The following PCDHGA3 variants were observed in gnomAD, a reference collection of about 807,000 sequenced individuals.
PCDHGA3 encodes the protein protocadherin gamma-A3.
PCDHGA3 carries 40 observed loss-of-function variants against 58.5 expected under a neutral mutation model. The observed-to-expected ratio is 0.68, with a 90% CI of 0.53 to 0.89. PCDHGA3 has a LOEUF of 0.89. Among genes scored for constraint, PCDHGA3 ranks in the 40% least tolerant of loss-of-function variants. PCDHGA3 has a pLI of 0.00. For missense variants in PCDHGA3, 1,223 were observed against 1,195.9 expected (o/e 1.02, Z -0.33); for synonymous variants, 530 against 525.7 (o/e 1.01, Z -0.11).
chr5:141,408,309 C>G, intron 1 of PCDHGA3: 1 of 1,613,816 alleles, frequency 6.2e-7, no homozygotes, highest in South Asian at 1.1e-5. Context: ...ATCCGCTACT[C>G]GATTCCGGAG....
intron 1 of PCDHGA3, chr5:141,418,372 A>G (rs771262387): frequency 3.1e-6 from 5 of 1,613,968 alleles, no homozygotes; most frequent in Non-Finnish European, 3.4e-6. Context: ...GCAAATACCA[A>G]CTAAGTCCTA....
chr5:141,428,063 C>T lies in PCDHGA3; in HGVS notation c.2425-66744C>T, dbSNP rs777477669. 12 of 1,609,054 alleles carry T rather than the reference C, an allele frequency of 7.5e-6. No individual in the cohort carries two copies. In the African/African-American group the frequency reaches 1.3e-4, roughly 18 times the overall value. ...TGGTGACCAAGGTGGTGGCGGTGGA[C>T]GCAGATTCGGGACACAACGCTTGGC... On this transcript the variant is annotated intron_variant, in intron 1 of 3. Coordinates refer to ENST00000253812, the MANE Select transcript of PCDHGA3 (RefSeq NM_018916.4).
At chr5:141,375,110 A>C in intron 1 of PCDHGA3, 1 of 1,613,972 alleles carries the variant, frequency 6.2e-7, no homozygotes, top group Non-Finnish European at 8.5e-7. Flanking sequence ...TGTCAATGAT[A>C]ATGTACCAGA....
intron 1 of PCDHGA3, chr5:141,396,003 T>G (rs749303972): frequency 2.0e-5 from 3 of 152,232 alleles, no homozygotes; most frequent in Admixed American, 6.5e-5. Flanking sequence ...TTTAAACTGT[T>G]GAAAGTGACT....
intron 1 of PCDHGA3, chr5:141,433,139 T>G: frequency 6.2e-7 from 1 of 1,614,068 alleles, no homozygotes; most frequent in Non-Finnish European, 8.5e-7. Context: ...CCTTTTGCTG[T>G]CAGGTGATTC....
chr5:141,347,245 G>A (rs541752483), intron 1 of PCDHGA3, among the ~76,000 whole-genome samples: 3 of 150,602 alleles, frequency 2.0e-5, no homozygotes, highest in Admixed American at 1.3e-4. Context: ...CCTTGACCTC[G>A]CAGACTCAAG....
At chr5:141,500,475 C>T (rs1193752670) in intron 2 of PCDHGA3, among the ~76,000 whole-genome samples, 1 of 152,024 alleles carries the variant, frequency 6.6e-6, no homozygotes, top group African/African-American at 2.4e-5. Flanking sequence ...TCCCAAAGTG[C>T]TGGGATTACA....
Position 141,432,099 on chromosome 5 carries a change from A to G in PCDHGA3, c.2425-62708A>G. On this transcript the variant is annotated intron_variant, in intron 1 of 3. Transcript: ENST00000253812. This position sits in a 1 kb window ranked among gnomAD's most constrained non-coding sequence, Gnocchi z 6.0. ...TCGCTGAACGTGGCAGACACCAACG[A>G]CAACCCGCCGGTCTTCCCTCAGGCC... 6.2e-7 allele frequency: 1 copy of G among 1,614,102 alleles called. No homozygotes were observed. The highest frequency in any genetic ancestry group is 1.1e-5 in the South Asian group (1 of 91,070).
At chr5:141,352,763 G>A in intron 1 of PCDHGA3, 2 of 1,302,156 alleles carry the variant, frequency 1.5e-6, no homozygotes, top group South Asian at 2.8e-5. Context: ...GCTGAGGCAG[G>A]TGGATCACTT....
Position 141,489,690 on chromosome 5 carries a change from A to T in PCDHGA3, c.2425-5117A>T. The T allele has an allele frequency of 6.2e-7, 1 of 1,614,198 alleles. No individual in the cohort carries two copies. The highest frequency in any genetic ancestry group is 8.5e-7 in the Non-Finnish European group (1 of 1,180,024). ...TCTCAGAATCAGCAGCATCTGGGGC[A>T]CGATTCCCACTGGACAGTGCCCAGG... On this transcript the variant is annotated intron_variant, in intron 1 of 3. Coordinates refer to ENST00000253812, the MANE Select transcript of PCDHGA3 (RefSeq NM_018916.4). The surrounding 1 kb of genome is among the most constrained non-coding windows in gnomAD (Gnocchi z 4.5).
intron 1 of PCDHGA3, among the ~76,000 whole-genome samples, chr5:141,466,776 C>T (rs2099129231): frequency 6.6e-6 from 1 of 152,104 alleles, no homozygotes; most frequent in African/African-American, 2.4e-5. Flanking sequence ...TTATCTTATT[C>T]TTCTTAGTGC....
intron 1 of PCDHGA3, among the ~76,000 whole-genome samples, chr5:141,480,339 T>A (rs764049837): frequency 1.3e-4 from 20 of 152,010 alleles, no homozygotes; most frequent in Non-Finnish European, 2.4e-4. Context: ...TGCTTGAGCC[T>A]GGGAGGTTGA....
chr5:141,511,400 T>A lies in PCDHGA3; in HGVS notation c.*227T>A, dbSNP rs1208021848. On this transcript the variant is annotated 3_prime_UTR_variant, in exon 4 of 4. Coordinates refer to ENST00000253812, the MANE Select transcript of PCDHGA3 (RefSeq NM_018916.4). ...AGTTCCGCTGGGAACCCCCATCCAA[T>A]CAACTGCTGTACCCATGGGGGTAGT... 1.1e-5 allele frequency: 11 copies of A among 982,132 alleles called. No individual in the cohort carries two copies. Among genetic ancestry groups the A allele is most frequent in the African/African-American group, 3.3e-5 (2 of 60,924 alleles). 60.8% of individuals were successfully genotyped at this position (982,132 alleles called of 1,614,324 possible).
intron 1 of PCDHGA3, chr5:141,388,052 C>T (rs777475213): frequency 7.2e-7 from 1 of 1,394,236 alleles, no homozygotes; most frequent in Non-Finnish European, 9.8e-7. Flanking sequence ...ACCTGGGGTT[C>T]AGCGTCCAGG....
chr5:141,458,273 G>C, intron 1 of PCDHGA3, among the ~76,000 whole-genome samples: 1 of 152,158 alleles, frequency 6.6e-6, no homozygotes, highest in Non-Finnish European at 1.5e-5. Context: ...AGGAACAACA[G>C]GGTTCCTGGT....
intron 1 of PCDHGA3, chr5:141,410,703 C>G (rs763776263): frequency 1.1e-5 from 16 of 1,467,494 alleles, no homozygotes; most frequent in Non-Finnish European, 9.1e-7. Flanking sequence ...ATTTTCATAT[C>G]TAGAATCATA....
At chr5:141,505,344 AGCT>A in intron 2 of PCDHGA3, 46 bp from the exon 3 acceptor site, 1 of 1,613,046 alleles carries the variant, frequency 6.2e-7, no homozygotes, top group South Asian at 1.1e-5. Flanking sequence ...GAGGGGCATG[AGCT>A]GTGCCGGCCT....
chr5:141,494,784 C>T, intron 1 of PCDHGA3, 23 bp from the exon 2 acceptor site: 1 of 1,614,110 alleles, frequency 6.2e-7, no homozygotes, highest in Non-Finnish European at 8.5e-7. Flanking sequence ...TACTCAGCCC[C>T]TTTCCCTCTG....
At chr5:141,355,956 TG>T in intron 1 of PCDHGA3, 6 of 1,613,914 alleles carry the variant, frequency 3.7e-6, no homozygotes, top group Non-Finnish European at 5.1e-6. Flanking sequence ...TAAGTGTTCG[TG>T]AGAACGTTCC....
Sources: gnomAD v4.1 joint callset for allele counts (sites outside exome capture counted in the v4.1 genomes callset) on GRCh38, gnomAD v4.1.1 for gene constraint, Gnocchi (gnomAD v3.1) non-coding constraint, MANE v1.5 for transcripts, NCBI Gene and HGNC (gene_info 2026-07-23, HGNC 2026-07-21) for gene names.